Variants in FBXW10 observed in about 807,000 individuals in gnomAD.
FBXW10 encodes F-box and WD repeat domain containing 10.
In FBXW10, 68 loss-of-function variants were observed where a neutral mutation model predicts 113.1. The ratio of observed to expected loss-of-function variants is 0.60; its 90% confidence interval spans 0.49 to 0.74. The LOEUF is 0.74. Ranked by LOEUF, FBXW10 falls within the 30% of genes least tolerant of loss-of-function variation. The probability of loss-of-function intolerance (pLI) is 0.00; values close to 1 mark genes in which losing one functional copy is unlikely to be tolerated. For missense variants in FBXW10, 753 were observed against 1,284.5 expected, an observed-to-expected ratio of 0.59 and a Z score of 6.32; for synonymous variants, 289 against 481.6, an observed-to-expected ratio of 0.60 and a Z score of 5.24.
rs1365899285 is a variant in FBXW10 at position 18,747,931 on chromosome 17, T to C, written c.506-10T>C. 1.2e-6 allele frequency: 2 copies of C among 1,613,748 alleles called. No homozygotes were observed. The highest frequency in any genetic ancestry group is 1.3e-5 in the African/African-American group (1 of 74,906). On this transcript the variant is annotated splice_polypyrimidine_tract_variant and intron_variant, in intron 1 of 13. Transcript: ENST00000395665. Reference sequence around the variant, plus strand: ...CAAGAGCAACCTTGTCTTGGTCTTCTGTGTTTCAGGGCTCAATCAAGACAT... The same window carrying C: ...CAAGAGCAACCTTGTCTTGGTCTTCCGTGTTTCAGGGCTCAATCAAGACAT...
chr17:18,771,968 G>A (rs1265012712), intron 11 of FBXW10, among the ~76,000 whole-genome samples: 2 of 152,054 alleles, frequency 1.3e-5, no homozygotes, highest in South Asian at 2.1e-4. Context: ...TGAGCTGGGC[G>A]TGGTGGTGCG....
chr17:18,777,106 G>C (rs2035715794), intron 13 of FBXW10, among the ~76,000 whole-genome samples: 1 of 145,664 alleles, frequency 6.9e-6, no homozygotes, highest in East Asian at 2.0e-4. Context: ...CTGTTGCCCA[G>C]GCTGGAGTGC....
chr17:18,768,553 G>A lies in FBXW10; in HGVS notation c.1724G>A (p.Gly575Glu), dbSNP rs1224175943. 2 of 1,613,988 alleles carry A rather than the reference G, an allele frequency of 1.2e-6. No individual in the cohort carries two copies. Among genetic ancestry groups the A allele is most frequent in the Admixed American group, 3.3e-5 (2 of 59,984 alleles). The part of the protein sequence containing the change: ...QLVKTLSGHE[G>E]AVKCLFFDQW... ...TTGCAGACTCTCAGTGGCCATGAGGGAGCCGTGAAATGCCTGTTCTTTGAC... is the reference window on the plus strand; with the variant it reads ...TTGCAGACTCTCAGTGGCCATGAGGAAGCCGTGAAATGCCTGTTCTTTGAC... The change falls in exon 10 of 14, where the codon GGA becomes GAA. Residue 575 changes from glycine (G) to glutamate (E), a missense_variant. Physicochemically the swap from Gly to Glu is moderately conservative, Grantham distance 98. Coordinates refer to ENST00000395665, the MANE Select transcript of FBXW10 (RefSeq NM_001267585.2).
rs571119522 is a variant in FBXW10 at position 18,761,561 on chromosome 17, G to A, written c.1433+3056G>A. Among the ~76,000 whole-genome samples, 580 of 152,182 alleles carry A rather than the reference G, an allele frequency of 3.8e-3. 3 individuals are homozygous for A. The highest frequency in any genetic ancestry group is 0.013 in the African/African-American group (557 of 41,534). On this transcript the variant is annotated intron_variant, in intron 7 of 13. Coordinates refer to ENST00000395665, the MANE Select transcript of FBXW10 (RefSeq NM_001267585.2). The stretch of plus-strand genomic sequence containing the variant: ...ATTACAGGCATGAGCCACCGCGCCC[G>A]GCCTCACTTTTCTTTTTTATGTAAC...
chr17:18,772,775 G>A (rs1030722916), intron 12 of FBXW10, 92 bp downstream of exon 12: 6 of 1,155,522 alleles, frequency 5.2e-6, no homozygotes, highest in African/African-American at 4.6e-5. Flanking sequence ...GGACTGGTTC[G>A]TTTGTGGAAT....
chr17:18,776,824 G>T (rs951483210), intron 13 of FBXW10, among the ~76,000 whole-genome samples: 2 of 151,898 alleles, frequency 1.3e-5, no homozygotes, highest in African/African-American at 4.8e-5. Flanking sequence ...CCATCAATGG[G>T]CAATGGCTAA....
intron 13 of FBXW10, among the ~76,000 whole-genome samples, chr17:18,776,665 G>C (rs953288924): frequency 3.3e-5 from 5 of 152,162 alleles, no homozygotes; most frequent in Admixed American, 3.3e-4. Context: ...GAAAAATACT[G>C]TATCAATTTA....
intron 11 of FBXW10, among the ~76,000 whole-genome samples, chr17:18,771,190 G>C (rs574165270): frequency 6.6e-6 from 1 of 151,746 alleles, no homozygotes; most frequent in Non-Finnish European, 1.5e-5. Context: ...TTGAGTGAAC[G>C]TAAGTCTAAA....
At chr17:18,774,720 A>C (rs559661927) in intron 12 of FBXW10, among the ~76,000 whole-genome samples, 2 of 152,356 alleles carry the variant, frequency 1.3e-5, no homozygotes, top group South Asian at 4.1e-4. Flanking sequence ...ACGTGAACCC[A>C]GGAGGTGGAG....
chr17:18,769,809 T>C (rs2035574321), intron 10 of FBXW10, 118 bp from the exon 11 acceptor site: 2 of 1,075,296 alleles, frequency 1.9e-6, no homozygotes, highest in South Asian at 1.7e-5. Context: ...GCAAACACCA[T>C]TTTGAGGCCA....
In FBXW10 at chr17:18,772,657, T is replaced by C. The variant is rs1441937903; in HGVS notation, c.2252T>C (p.Leu751Pro). 6.2e-7 allele frequency: 1 copy of C among 1,611,288 alleles called. No individual in the cohort carries two copies. The highest frequency in any genetic ancestry group is 1.3e-5 in the African/African-American group (1 of 74,566). The change falls in exon 12 of 14, where the codon CTC becomes CCC. Residue 751 changes from leucine to proline, a missense_variant. Coordinates refer to ENST00000395665, the MANE Select transcript of FBXW10 (RefSeq NM_001267585.2). ...GGCAAACCTCCCAAGTCCCGAGTACTCCTGAAGCCGGCCAAGTTCTCTTCA... is the reference window on the plus strand; with the variant it reads ...GGCAAACCTCCCAAGTCCCGAGTACCCCTGAAGCCGGCCAAGTTCTCTTCA... The part of the protein sequence containing the change: ...LPGKPPKSRV[L>P]LKPAKFSSAV...
At chr17:18,762,350 G>C (rs9910881) in intron 7 of FBXW10, among the ~76,000 whole-genome samples, 2 of 143,620 alleles carry the variant, frequency 1.4e-5, no homozygotes, top group African/African-American at 2.6e-5. Flanking sequence ...ATGGAGTCTC[G>C]CTCTGTTGCC....
chr17:18,771,890 T>C (rs2035620337), intron 11 of FBXW10, among the ~76,000 whole-genome samples: 1 of 152,062 alleles, frequency 6.6e-6, no homozygotes, highest in Non-Finnish European at 1.5e-5. Flanking sequence ...GGGTGGATCA[T>C]TGAGTCCTGG....
At chr17:18,747,888 T>G (rs1359434098) in intron 1 of FBXW10, 53 bp from the exon 2 acceptor site, 9 of 1,612,986 alleles carry the variant, frequency 5.6e-6, no homozygotes, top group Non-Finnish European at 1.7e-6. Context: ...CACCTCATTT[T>G]CCTCAACACA....
At position 18,772,606 on chromosome 17, in the gene FBXW10, AAACT is replaced by A. The variant is rs1196594434; in HGVS notation, c.2202_2205del (p.Thr735Ter). ...CCAAGAGAGTCTGTATCCAGTAAACAAACTGTGATCCAAGAGCTCCTACCAGGCA... is the reference window on the plus strand; with the variant it reads ...CCAAGAGAGTCTGTATCCAGTAAACAGTGATCCAAGAGCTCCTACCAGGCA... On this transcript the variant is annotated frameshift_variant, in exon 12 of 14. Transcript: ENST00000395665. LOFTEE classifies it high-confidence loss of function. The A allele has an allele frequency of 6.2e-7, 1 of 1,614,124 alleles. No individual in the cohort carries two copies. The highest frequency in any genetic ancestry group is 1.7e-5 in the Admixed American group (1 of 60,022).
chr17:18,777,795 G>T (rs1005535573), intron 13 of FBXW10, among the ~76,000 whole-genome samples: 23 of 151,066 alleles, frequency 1.5e-4, no homozygotes, highest in Non-Finnish European at 3.0e-4. Context: ...CACCCTCCTG[G>T]GTCTCCCAAA....
chr17:18,745,016 C>T (rs2035013246), intron 1 of FBXW10: 3 of 1,356,954 alleles, frequency 2.2e-6, no homozygotes, highest in Non-Finnish European at 2.9e-6. Context: ...TCATGGATTT[C>T]TGCATCTCAT....
chr17:18,764,867 A>G lies in FBXW10; in HGVS notation c.1555+4A>G, dbSNP rs2035459848. On this transcript the variant is annotated splice_donor_region_variant and intron_variant, in intron 8 of 13. Transcript: ENST00000395665. ...GGAAGAGATTGCCAGGTAAAAGGTG[A>G]GAAAGAAGTGCCTTAAATTTTCTAA... 1 of 1,613,848 alleles carries G rather than the reference A, an allele frequency of 6.2e-7. No individual in the cohort carries two copies. The highest frequency in any genetic ancestry group is 1.3e-5 in the African/African-American group (1 of 74,928).
intron 5 of FBXW10, among the ~76,000 whole-genome samples, chr17:18,752,033 G>T (rs1277876956): frequency 6.6e-6 from 1 of 152,140 alleles, no homozygotes; most frequent in Non-Finnish European, 1.5e-5. Context: ...GCCCCAAAAG[G>T]ATAGTTGATG....
Sources: allele counts gnomAD v4.1 joint callset (sites outside exome capture counted in the v4.1 genomes callset), GRCh38; gene constraint gnomAD v4.1.1; transcripts MANE v1.5; gene names NCBI Gene and HGNC (gene_info 2026-07-23, HGNC 2026-07-21).